OSBPL9: variants seen among roughly 807,000 people sequenced by gnomAD.
OSBPL9 encodes the protein oxysterol-binding protein-related protein 9.
OSBPL9 carries 40 observed loss-of-function variants against 106.6 expected under a neutral mutation model. The observed-to-expected ratio is 0.38, with a 90% CI of 0.29 to 0.49. The LOEUF is 0.49. Ranked by LOEUF, OSBPL9 falls within the 20% of genes least tolerant of loss-of-function variation. The pLI, the probability that OSBPL9 is intolerant of heterozygous loss-of-function variation, is 0.97. For synonymous variants in OSBPL9, 269 were observed against 295.4 expected (o/e 0.91, Z 0.92); for missense variants, 609 against 887.2 (o/e 0.69, Z 3.98).
chr1:51,739,435 A>G (rs1478948943), intron 4 of OSBPL9, among the ~76,000 whole-genome samples: 3 of 152,130 alleles, frequency 2.0e-5, no homozygotes, highest in African/African-American at 7.2e-5. Context: ...ACTTAGCATT[A>G]CAGAAAAAGA....
At chr1:51,688,042 A>G (rs79811951) in intron 3 of OSBPL9, among the ~76,000 whole-genome samples, 3,680 of 152,254 alleles carry the variant, frequency 0.024, 70 homozygotes, top group Non-Finnish European at 0.036. Context: ...TGAATGGAAC[A>G]TGACTATTCG....
In OSBPL9 at chr1:51,765,537, A is replaced by G. The variant is rs931610649; in HGVS notation, c.779-285A>G. ...TTGGACTTGCAACTCCACAACTCAT[A>G]TAATCAAAAGGGCCCCCTTCCTAGT... On this transcript the variant is annotated intron_variant, in intron 11 of 23. Coordinates refer to ENST00000428468, the MANE Select transcript of OSBPL9 (RefSeq NM_024586.6). 2.0e-5 allele frequency: 4 copies of G among 197,252 alleles called. No individual in the cohort carries two copies. In the Admixed American group the frequency reaches 2.4e-4, roughly 12 times the overall value. 12.2% of individuals were successfully genotyped at this position (197,252 alleles called of 1,614,324 possible).
At chr1:51,717,922 C>A (rs1557734080) in intron 4 of OSBPL9, among the ~76,000 whole-genome samples, 1 of 152,140 alleles carries the variant, frequency 6.6e-6, no homozygotes, top group Non-Finnish European at 1.5e-5. Flanking sequence ...AGGTTTATTG[C>A]AGCACTATTC....
At chr1:51,547,227 G>C in the OSBPL9 span, among the ~76,000 whole-genome samples, 1 of 152,182 alleles carries the variant, frequency 6.6e-6, no homozygotes, top group South Asian at 2.1e-4. Flanking sequence ...TATGGTCATA[G>C]GGATTCAAAG....
chr1:51,740,521 T>TA (rs1485882873), intron 4 of OSBPL9, among the ~76,000 whole-genome samples: 2 of 152,110 alleles, frequency 1.3e-5, no homozygotes, highest in Non-Finnish European at 1.5e-5. Context: ...ACTGATAACT[T>TA]ACCTGTTTTT....
chr1:51,646,490 T>C (rs1375623049), intron 1 of OSBPL9, among the ~76,000 whole-genome samples: 3 of 152,244 alleles, frequency 2.0e-5, no homozygotes, highest in African/African-American at 7.2e-5. Context: ...TGAGCTCATT[T>C]ATTAGCTCTA....
chr1:51,545,214 C>A, the OSBPL9 span, among the ~76,000 whole-genome samples: 1 of 152,058 alleles, frequency 6.6e-6, no homozygotes, highest in African/African-American at 2.4e-5. Context: ...AACTGGGTTG[C>A]GATCTTATTA....
At chr1:51,671,296 G>T (rs970993689) in intron 3 of OSBPL9, among the ~76,000 whole-genome samples, 1 of 152,046 alleles carries the variant, frequency 6.6e-6, no homozygotes, top group African/African-American at 2.4e-5. Flanking sequence ...TTGATACAAA[G>T]TTATCAGTGT....
intron 1 of OSBPL9, among the ~76,000 whole-genome samples, chr1:51,597,613 G>C (rs992459050): frequency 1.3e-5 from 2 of 152,054 alleles, no homozygotes; most frequent in African/African-American, 4.8e-5. Context: ...AGCTAGATGA[G>C]ATCTTTAAGA....
chr1:51,681,832 A>G (rs181070332), intron 3 of OSBPL9, among the ~76,000 whole-genome samples: 9 of 152,300 alleles, frequency 5.9e-5, no homozygotes, highest in Admixed American at 3.3e-4. Flanking sequence ...AACCATCAAT[A>G]GATTTCTAGA....
intron 3 of OSBPL9, among the ~76,000 whole-genome samples, chr1:51,681,309 C>T (rs1043190622): frequency 1.6e-4 from 25 of 152,070 alleles, no homozygotes; most frequent in South Asian, 1.2e-3. Context: ...ATTCTTACCA[C>T]ATACTATAAA....
rs779150906 is a variant in OSBPL9, at chr1:51,784,454, A to G, written c.1701A>G (p.Thr567=). 9 of 1,614,030 alleles carry G rather than the reference A, an allele frequency of 5.6e-6. No individual in the cohort carries two copies. The African/African-American group carries it at 9.3e-5, about 17-fold the overall frequency. ...TTTGATTTTGCAGGTCTATCCTCACAGTGCCCTGGGTGGAATTAGGAGGAG... is the reference window on the plus strand; with the variant it reads ...TTTGATTTTGCAGGTCTATCCTCACGGTGCCCTGGGTGGAATTAGGAGGAG... ...FPNGYGRSIL[T]VPWVELGGEC... is the part of the protein sequence containing the mutation. The change falls in exon 20 of 24, where the codon ACA becomes ACG. Residue 567 remains threonine (T), a synonymous_variant. Coordinates refer to ENST00000428468, the MANE Select transcript of OSBPL9 (RefSeq NM_024586.6).
chr1:51,675,633 G>C (rs958789009), intron 3 of OSBPL9, among the ~76,000 whole-genome samples: 2 of 152,160 alleles, frequency 1.3e-5, no homozygotes, highest in Admixed American at 1.3e-4. Flanking sequence ...GGAATGATCA[G>C]AGAGTTTAGG....
chr1:51,705,163 A>G (rs1658158609), intron 3 of OSBPL9, among the ~76,000 whole-genome samples: 1 of 151,588 alleles, frequency 6.6e-6, no homozygotes, highest in Non-Finnish European at 1.5e-5. Flanking sequence ...ACTCCAAATC[A>G]CTAAAGAAAT....
Position 51,664,546 on chromosome 1 carries a change from C to T in OSBPL9, c.163-4888C>T, listed in dbSNP as rs148234900. Among the ~76,000 whole-genome samples the T allele has an allele frequency of 2.4e-3, 360 of 151,948 alleles. 1 individual carries two copies. The highest frequency in any genetic ancestry group is 8.3e-3 in the African/African-American group (342 of 41,436). On this transcript the variant is annotated intron_variant, in intron 2 of 23. Transcript: ENST00000428468. ...CTCTACAAAAAATATAAAAATTAGC[C>T]GGGCGTGTGGTGATGCATGCCTGTA...
At chr1:51,672,180 G>A (rs1650036600) in intron 3 of OSBPL9, among the ~76,000 whole-genome samples, 1 of 152,204 alleles carries the variant, frequency 6.6e-6, no homozygotes, top group Non-Finnish European at 1.5e-5. Flanking sequence ...TGGCCACTGT[G>A]TTGGGAGTAA....
At chr1:51,522,232 A>T in the OSBPL9 span, among the ~76,000 whole-genome samples, 1 of 152,226 alleles carries the variant, frequency 6.6e-6, no homozygotes. Context: ...TATAAGTAAG[A>T]GCCATTGACA....
intron 3 of OSBPL9, among the ~76,000 whole-genome samples, chr1:51,688,885 A>G (rs985923980): frequency 3.9e-5 from 6 of 152,178 alleles, no homozygotes; most frequent in Non-Finnish European, 7.3e-5. Context: ...AAGAAAGGTG[A>G]AGATATTATA....
chr1:51,680,353 C>G (rs543332405), intron 3 of OSBPL9, among the ~76,000 whole-genome samples: 2 of 151,920 alleles, frequency 1.3e-5, no homozygotes, highest in African/African-American at 2.4e-5. Context: ...ACTGAATGTT[C>G]TAAGAAAACA....
Sources: allele counts gnomAD v4.1 joint callset (sites outside exome capture counted in the v4.1 genomes callset), GRCh38; gene constraint gnomAD v4.1.1; transcripts MANE v1.5; gene names NCBI Gene and HGNC (gene_info 2026-07-23, HGNC 2026-07-21).